The following BMP6 variants were observed in gnomAD, a reference collection of about 807,000 sequenced individuals.
BMP6 encodes the protein VG-1-R.
BMP6 carries 17 observed loss-of-function variants against 54.1 expected under a neutral mutation model. The observed-to-expected ratio is 0.31, with a 90% CI of 0.22 to 0.47. The LOEUF (loss-of-function observed/expected upper bound fraction) is 0.47. Among genes scored for constraint, BMP6 ranks in the 20% least tolerant of loss-of-function variants. The probability of loss-of-function intolerance (pLI) is 1.00; values close to 1 mark genes in which losing one functional copy is unlikely to be tolerated. For synonymous variants in BMP6, 328 were observed against 291.2 expected (o/e 1.13, Z -1.28); for missense variants, 720 against 690.4 (o/e 1.04, Z -0.48).
intron 3 of BMP6, 65 bp from the exon 4 acceptor site, chr6:7,862,236 C>T: frequency 1.3e-6 from 2 of 1,548,460 alleles, no homozygotes; most frequent in Non-Finnish European, 1.8e-6. Context: ...TATCCCTTAA[C>T]TGTTGTAGCT....
intron 1 of BMP6, among the ~76,000 whole-genome samples, chr6:7,730,332 T>A (rs1278299275): frequency 6.6e-6 from 1 of 152,162 alleles, no homozygotes; most frequent in African/African-American, 2.4e-5. Flanking sequence ...CCCCTAAAAA[T>A]TTTTAAGAGA....
chr6:7,813,108 A>AAAATAT (rs1554122651), intron 1 of BMP6, among the ~76,000 whole-genome samples: 7 of 21,482 alleles, frequency 3.3e-4, no homozygotes, highest in Non-Finnish European at 5.3e-4. Flanking sequence ...AAAAAAAAAA[A>AAAATAT]ATATATATAT....
intron 1 of BMP6, among the ~76,000 whole-genome samples, chr6:7,756,890 A>T (rs1757522526): frequency 2.0e-5 from 3 of 152,176 alleles, no homozygotes; most frequent in African/African-American, 7.2e-5. Context: ...GTAAACTGGT[A>T]ATTTTTTTTC....
chr6:7,769,034 C>G (rs1312756039), intron 1 of BMP6, among the ~76,000 whole-genome samples: 2 of 152,132 alleles, frequency 1.3e-5, no homozygotes, highest in Non-Finnish European at 2.9e-5. Context: ...TACAACAGTT[C>G]AAAAGGAGTA....
At chr6:7,795,759 C>T (rs950682310) in intron 1 of BMP6, among the ~76,000 whole-genome samples, 13 of 151,978 alleles carry the variant, frequency 8.6e-5, no homozygotes, top group East Asian at 1.9e-4. Context: ...CAGAAAACCC[C>T]GGGGAAGTCA....
At chr6:7,847,644 T>C (rs1160373866) in intron 2 of BMP6, among the ~76,000 whole-genome samples, 1 of 152,180 alleles carries the variant, frequency 6.6e-6, no homozygotes, top group Non-Finnish European at 1.5e-5. Flanking sequence ...AGTCAGGGTT[T>C]TAAATGCTGA....
intron 1 of BMP6, among the ~76,000 whole-genome samples, chr6:7,835,345 C>G (rs1390495791): frequency 1.3e-5 from 2 of 152,148 alleles, no homozygotes; most frequent in African/African-American, 4.8e-5. Context: ...ATCTCCTGAC[C>G]TTGTGATCCG....
chr6:7,809,118 A>C (rs573953618), intron 1 of BMP6, among the ~76,000 whole-genome samples: 1,791 of 84,728 alleles, frequency 0.021, 10 homozygotes, highest in Middle Eastern at 0.042. Context: ...ACCCCCCCCC[A>C]AAAAAAAAAC....
At chr6:7,871,107 A>G (rs1195903896) in intron 4 of BMP6, among the ~76,000 whole-genome samples, 1 of 152,152 alleles carries the variant, frequency 6.6e-6, no homozygotes, top group African/African-American at 2.4e-5. Context: ...AGGGGTTATA[A>G]AGGAAAGCAG....
chr6:7,813,637 T>A, intron 1 of BMP6, among the ~76,000 whole-genome samples: 1 of 61,256 alleles, frequency 1.6e-5, no homozygotes, highest in African/African-American at 8.7e-5. Flanking sequence ...AGTGTGACCC[T>A]GTCTCAAAAA....
intron 1 of BMP6, among the ~76,000 whole-genome samples, chr6:7,760,871 G>A (rs186460698): frequency 6.6e-6 from 1 of 152,334 alleles, no homozygotes; most frequent in Admixed American, 6.5e-5. Context: ...GTGCTGTTAT[G>A]CGGAGCCTCC....
intron 1 of BMP6, among the ~76,000 whole-genome samples, chr6:7,733,982 AAGCATT>A (rs1761915774): frequency 6.6e-6 from 1 of 152,204 alleles, no homozygotes; most frequent in Non-Finnish European, 1.5e-5. Flanking sequence ...CTTTTACTAC[AAGCATT>A]AGAAATCAGT....
intron 1 of BMP6, among the ~76,000 whole-genome samples, chr6:7,737,943 T>G (rs966925720): frequency 6.6e-6 from 1 of 152,054 alleles, no homozygotes; most frequent in African/African-American, 2.4e-5. Flanking sequence ...GTTCTTAGTA[T>G]TATTCTTTTT....
At chr6:7,754,622 T>G (rs1343076074) in intron 1 of BMP6, among the ~76,000 whole-genome samples, 1 of 152,246 alleles carries the variant, frequency 6.6e-6, no homozygotes, top group Admixed American at 6.5e-5. Context: ...GATAATAGTC[T>G]TTGTTCAGTA....
chr6:7,804,007 A>G lies in BMP6; in HGVS notation c.665-41133A>G, dbSNP rs1758310252. ...CCCCTTTCAGTATCCCAAGGTAAGC[A>G]CACTTTTTGACATGCAAAGTTGGTG... is the stretch of plus-strand genomic sequence containing the variant. On this transcript the variant is annotated intron_variant, in intron 1 of 6. Coordinates refer to ENST00000283147, the MANE Select transcript of BMP6 (RefSeq NM_001718.6). Among the ~76,000 whole-genome samples, 4 of 152,230 alleles carry G rather than the reference A, an allele frequency of 2.6e-5. No homozygotes were observed. The South Asian group carries it at 8.3e-4, about 32-fold the overall frequency.
chr6:7,770,693 A>T (rs796329957), intron 1 of BMP6, among the ~76,000 whole-genome samples: 2 of 152,204 alleles, frequency 1.3e-5, no homozygotes, highest in Admixed American at 1.3e-4. Flanking sequence ...GCTCGTAAGG[A>T]TTCCTGAGCT....
At chr6:7,854,361 G>T (rs181797307) in intron 2 of BMP6, among the ~76,000 whole-genome samples, 23 of 151,676 alleles carry the variant, frequency 1.5e-4, no homozygotes, top group Admixed American at 1.3e-3. Context: ...TTTTTTAAAA[G>T]ATTACTTTGT....
rs554360690 is a variant in BMP6, at chr6:7,816,606, G to A, written c.665-28534G>A. Among the ~76,000 whole-genome samples the A allele has an allele frequency of 2.0e-5, 3 of 152,258 alleles. No homozygotes were observed. The East Asian group carries it at 5.8e-4, about 29-fold the overall frequency. On this transcript the variant is annotated intron_variant, in intron 1 of 6. Transcript: ENST00000283147. Reference sequence around the variant, plus strand: ...TCTGGTGGAAGGGCTCTCAGTTAAAGCCCCATCCATAATTGCTTTCTGTTC... The same window carrying A: ...TCTGGTGGAAGGGCTCTCAGTTAAAACCCCATCCATAATTGCTTTCTGTTC...
chr6:7,801,902 A>G (rs1476220849), intron 1 of BMP6, among the ~76,000 whole-genome samples: 2 of 152,154 alleles, frequency 1.3e-5, no homozygotes, highest in Non-Finnish European at 2.9e-5. Flanking sequence ...GTCCTATACT[A>G]CAATTGATGA....
Sources: allele counts gnomAD v4.1 joint callset (sites outside exome capture counted in the v4.1 genomes callset), GRCh38; gene constraint gnomAD v4.1.1; transcripts MANE v1.5; gene names NCBI Gene and HGNC (gene_info 2026-07-23, HGNC 2026-07-21).